Variants in KIF13A observed in about 807,000 individuals in gnomAD.
The protein encoded by KIF13A is kinesin-like protein KIF13A.
Under a neutral mutation model 212.2 loss-of-function variants are expected in KIF13A, and 79 were observed. The ratio of observed to expected loss-of-function variants is 0.37; its 90% CI spans 0.31 to 0.45. The LOEUF (loss-of-function observed/expected upper bound fraction) is 0.45, where lower values mean the gene tolerates loss of function less well. Among genes scored for constraint, KIF13A ranks in the 20% least tolerant of loss-of-function variants. The pLI is 1.00. For synonymous variants in KIF13A, 789 were observed against 808.6 expected (o/e 0.98, Z 0.41); for missense variants, 1,901 against 2,209.0 (o/e 0.86, Z 2.79).
chr6:17,950,547 C>T, intron 2 of KIF13A: 1 of 985,254 alleles, frequency 1.0e-6, no homozygotes, highest in South Asian at 4.7e-5. Flanking sequence ...CTTTCTTATA[C>T]CCCATTTGTT....
intron 3 of KIF13A, among the ~76,000 whole-genome samples, chr6:17,884,319 ATAT>A (rs1200950488): frequency 1.3e-5 from 2 of 152,222 alleles, no homozygotes; most frequent in East Asian, 3.8e-4. Flanking sequence ...ACTGTTATCA[ATAT>A]TATCATTATG....
At position 17,777,500 on chromosome 6, in the gene KIF13A, T is replaced by C. The variant is rs1760105602; in HGVS notation, c.4093-146A>G. The C allele has an allele frequency of 4.5e-6, 3 of 668,876 alleles. No individual in the cohort carries two copies. Among genetic ancestry groups the C allele is most frequent in the Non-Finnish European group, 8.0e-6 (3 of 376,808 alleles). 41.4% of individuals were successfully genotyped at this position (668,876 alleles called of 1,614,324 possible). A position where few individuals can be genotyped will look rare whatever the true frequency, so the allele number is the denominator to read the frequency against. ...CTGGGTTCAAGCAATTCTGCCTCAG[T>C]CTCCTGAGTAGCTGGGACTACAGGT... On this transcript the variant is annotated intron_variant, in intron 33 of 38. Coordinates refer to ENST00000259711, the MANE Select transcript of KIF13A (RefSeq NM_022113.6). The surrounding 1 kb of genome is among the most constrained non-coding windows in gnomAD (Gnocchi z 4.4).
At position 17,821,552 on chromosome 6, in the gene KIF13A, G is replaced by GTGTGTGTGTGTGTGTGTGTGTGTGTGT. The variant is rs1554172080; in HGVS notation, c.1786+4215_1786+4216insACACACACACACACACACACACACACA. ...TGGGAGGCAAATGGAATTGGGACAT[G>GTGTGTGTGTGTGTGTGTGTGTGTGTGT]GTGTGTGTGTGTGTGTGTGTGTGTG... is the stretch of plus-strand genomic sequence containing the variant. On this transcript the variant is annotated intron_variant, in intron 16 of 38. Transcript: ENST00000259711. Among the ~76,000 whole-genome samples the GTGTGTGTGTGTGTGTGTGTGTGTGTGT allele has an allele frequency of 6.4e-4, 72 of 112,094 alleles. 1 individual carries two copies. The highest frequency in any genetic ancestry group is 1.9e-3 in the African/African-American group (64 of 32,994). 73.5% of individuals were successfully genotyped at this position (112,094 alleles called of 152,430 possible). A position where few individuals can be genotyped will look rare whatever the true frequency, so the allele number is the denominator to read the frequency against.
chr6:17,938,286 T>C (rs1220007059), intron 2 of KIF13A, among the ~76,000 whole-genome samples: 1 of 151,880 alleles, frequency 6.6e-6, no homozygotes, highest in South Asian at 2.1e-4. Flanking sequence ...ACATAAGTGC[T>C]CAACAAAGAC....
chr6:17,951,110 A>G lies in KIF13A; in HGVS notation c.146+35944T>C, dbSNP rs1554121388. On this transcript the variant is annotated intron_variant, in intron 2 of 38. Transcript: ENST00000259711. This position sits in a 1 kb window ranked among gnomAD's most constrained non-coding sequence, Gnocchi z 4.9. ...ATATATAACACTTTGCCAACCATCCATTTATTCATATGTGGGGTCTGATGC... is the reference window on the plus strand; with the variant it reads ...ATATATAACACTTTGCCAACCATCCGTTTATTCATATGTGGGGTCTGATGC... The G allele has an allele frequency of 1.7e-6, 2 of 1,162,610 alleles. No individual in the cohort carries two copies. Among genetic ancestry groups the G allele is most frequent in the Non-Finnish European group, 2.1e-6 (2 of 945,466 alleles). 72.0% of individuals were successfully genotyped at this position (1,162,610 alleles called of 1,614,324 possible). A position where few individuals can be genotyped will look rare whatever the true frequency, so the allele number is the denominator to read the frequency against.
chr6:17,933,721 G>T (rs1024113332), intron 2 of KIF13A, among the ~76,000 whole-genome samples: 4 of 152,116 alleles, frequency 2.6e-5, no homozygotes, highest in Non-Finnish European at 4.4e-5. Context: ...CTGATTCTAA[G>T]TATGAGTGAA....
intron 2 of KIF13A, among the ~76,000 whole-genome samples, chr6:17,983,296 A>G (rs1271804180): frequency 6.6e-6 from 1 of 152,150 alleles, no homozygotes; most frequent in Non-Finnish European, 1.5e-5. Context: ...TGAGAACTAA[A>G]TGACAGTGGC....
At chr6:17,962,997 C>CA (rs1561810747) in intron 2 of KIF13A, among the ~76,000 whole-genome samples, 1 of 152,196 alleles carries the variant, frequency 6.6e-6, no homozygotes, top group Non-Finnish European at 1.5e-5. Context: ...ACTGTAAACT[C>CA]AAAGTGCATA....
intron 32 of KIF13A, 83 bp from the exon 33 acceptor site, chr6:17,779,182 T>G: frequency 9.0e-7 from 1 of 1,110,506 alleles, no homozygotes; most frequent in Non-Finnish European, 1.3e-6. Context: ...GTTTTAGAAG[T>G]CTGGAGAATG....
Position 17,829,404 on chromosome 6 carries a change from C to T in KIF13A, c.1402-1034G>A, listed in dbSNP as rs1398341280. Reference sequence around the variant, plus strand: ...TTATATTAAAGTAGTTTTGACCTCACAGGCCTCATGAAAGGTTCTCAGAGA... The same window carrying T: ...TTATATTAAAGTAGTTTTGACCTCATAGGCCTCATGAAAGGTTCTCAGAGA... On this transcript the variant is annotated intron_variant, in intron 13 of 38. Coordinates refer to ENST00000259711, the MANE Select transcript of KIF13A (RefSeq NM_022113.6). This position sits in a 1 kb window ranked among gnomAD's most constrained non-coding sequence, Gnocchi z 5.4. 1.3e-5 allele frequency among the ~76,000 whole-genome samples: 2 copies of T among 152,212 alleles called. No homozygotes were observed. The highest frequency in any genetic ancestry group is 2.4e-5 in the African/African-American group (1 of 41,456).
At chr6:17,810,721 T>C (rs531038468) in intron 17 of KIF13A, among the ~76,000 whole-genome samples, 29 of 152,344 alleles carry the variant, frequency 1.9e-4, no homozygotes, top group Non-Finnish European at 3.7e-4. Flanking sequence ...TAGACAGTGA[T>C]AGATCATCAG....
chr6:17,860,220 G>T (rs998328735), intron 4 of KIF13A, among the ~76,000 whole-genome samples: 2 of 151,772 alleles, frequency 1.3e-5, no homozygotes, highest in Admixed American at 1.3e-4. Flanking sequence ...ATGGAGTCTT[G>T]TTCTGTCGCC....
chr6:17,876,900 G>A (rs1770611402), intron 3 of KIF13A, among the ~76,000 whole-genome samples: 1 of 152,148 alleles, frequency 6.6e-6, no homozygotes, highest in African/African-American at 2.4e-5. Flanking sequence ...TTCCCAAAGT[G>A]CTGGGATTAC....
intron 18 of KIF13A, among the ~76,000 whole-genome samples, chr6:17,807,805 G>A (rs372284662): frequency 6.6e-6 from 1 of 152,072 alleles, no homozygotes; most frequent in Non-Finnish European, 1.5e-5. Flanking sequence ...CACCCCCGGC[G>A]GCCCAGCTGT....
At chr6:17,780,646 C>T in intron 31 of KIF13A, 84 bp downstream of exon 31, 1 of 1,345,146 alleles carries the variant, frequency 7.4e-7, no homozygotes, top group Non-Finnish European at 1.0e-6. Flanking sequence ...CATCACAGCA[C>T]CAAAAAACAC....
chr6:17,925,208 T>C (rs1056643388), intron 2 of KIF13A, among the ~76,000 whole-genome samples: 7 of 152,318 alleles, frequency 4.6e-5, no homozygotes, highest in African/African-American at 1.4e-4. Context: ...TAGGAAATAG[T>C]CTTCTTTGGG....
intron 33 of KIF13A, 51 bp downstream of exon 33, chr6:17,778,896 G>A: frequency 1.3e-6 from 2 of 1,541,690 alleles, no homozygotes; most frequent in Non-Finnish European, 1.8e-6. Context: ...TCTGTCCATT[G>A]GGGGTGAAGG....
At chr6:17,959,196 G>A (rs1383789163) in intron 2 of KIF13A, among the ~76,000 whole-genome samples, 1 of 152,038 alleles carries the variant, frequency 6.6e-6, no homozygotes, top group African/African-American at 2.4e-5. Context: ...TTCATTCAAT[G>A]TTTACTCCGT....
chr6:17,986,226 G>T (rs1781539345), intron 2 of KIF13A, among the ~76,000 whole-genome samples: 2 of 152,078 alleles, frequency 1.3e-5, no homozygotes, highest in Admixed American at 1.3e-4. Flanking sequence ...ATATTTACAA[G>T]CTACTGCATT....
Sources: allele counts gnomAD v4.1 joint callset (sites outside exome capture counted in the v4.1 genomes callset), GRCh38; gene constraint gnomAD v4.1.1; non-coding constraint Gnocchi (gnomAD v3.1); transcripts MANE v1.5; gene names NCBI Gene and HGNC (gene_info 2026-07-23, HGNC 2026-07-21).